The following SRPK2 variants were observed in gnomAD, a reference collection of about 807,000 sequenced individuals.
SRPK2 encodes the protein SFRS protein kinase 2.
A neutral mutation model predicts 90.8 loss-of-function variants in SRPK2; 21 were observed. That is an observed-to-expected ratio of 0.23 (90% CI 0.16 to 0.33). SRPK2 has a LOEUF of 0.33. Ranked by LOEUF, SRPK2 falls within the 10% of genes least tolerant of loss-of-function variation. The pLI is 1.00. For synonymous variants in SRPK2, 288 were observed against 311.1 expected (o/e 0.93, Z 0.78); for missense variants, 620 against 869.0 (o/e 0.71, Z 3.60).
intron 2 of SRPK2, among the ~76,000 whole-genome samples, chr7:105,330,042 T>C (rs1295990941): frequency 6.9e-6 from 1 of 145,300 alleles, no homozygotes; most frequent in Non-Finnish European, 1.5e-5. Flanking sequence ...CTCAAAAAAA[T>C]TAAAAATTAA....
At chr7:105,261,640 A>T (rs1804312239) in intron 2 of SRPK2, among the ~76,000 whole-genome samples, 2 of 152,174 alleles carry the variant, frequency 1.3e-5, no homozygotes, top group Admixed American at 1.3e-4. Flanking sequence ...GAAAGAGATA[A>T]CTCCCCATAC....
intron 7 of SRPK2, among the ~76,000 whole-genome samples, chr7:105,149,565 G>C (rs1192039630): frequency 1.3e-5 from 2 of 152,166 alleles, no homozygotes; most frequent in African/African-American, 4.8e-5. Flanking sequence ...GCCCACTGTT[G>C]TTTCTCTATA....
chr7:105,317,097 C>T (rs1345220223), intron 2 of SRPK2, among the ~76,000 whole-genome samples: 1 of 152,196 alleles, frequency 6.6e-6, no homozygotes, highest in Non-Finnish European at 1.5e-5. Flanking sequence ...AAGTGTGGTT[C>T]ACAAACCTTC....
intron 10 of SRPK2, 123 bp downstream of exon 10, chr7:105,142,961 T>C (rs1584934578): frequency 7.7e-7 from 1 of 1,295,876 alleles, no homozygotes; most frequent in East Asian, 2.3e-5. Context: ...CAATAGGGAG[T>C]TGGAGAGAAT....
chr7:105,332,548 G>C (rs1245737754), intron 2 of SRPK2, among the ~76,000 whole-genome samples: 2 of 152,110 alleles, frequency 1.3e-5, no homozygotes, highest in African/African-American at 4.8e-5. Context: ...TGGATCACCT[G>C]AGGTCAGGAG....
At chr7:105,377,256 T>C (rs771503461) in intron 2 of SRPK2, among the ~76,000 whole-genome samples, 15 of 152,158 alleles carry the variant, frequency 9.9e-5, no homozygotes, top group Non-Finnish European at 1.9e-4. Flanking sequence ...CACATGTTAA[T>C]GCACCTTCAT....
intron 3 of SRPK2, among the ~76,000 whole-genome samples, chr7:105,179,904 G>T (rs1416918794): frequency 1.4e-5 from 2 of 144,682 alleles, no homozygotes; most frequent in African/African-American, 5.1e-5. Context: ...TCTACAATAA[G>T]AATTACAAAA....
chr7:105,293,832 C>T (rs974695237), intron 2 of SRPK2, among the ~76,000 whole-genome samples: 6 of 152,200 alleles, frequency 3.9e-5, no homozygotes, highest in African/African-American at 1.4e-4. Context: ...AGATCTTTCA[C>T]TATAAGTCAA....
At chr7:105,169,110 T>C (rs747712966) in intron 4 of SRPK2, 47 bp downstream of exon 4, 12 of 1,525,654 alleles carry the variant, frequency 7.9e-6, no homozygotes, top group Middle Eastern at 2.3e-4. Context: ...AACACAGATG[T>C]TGAACTACTC....
intron 6 of SRPK2, among the ~76,000 whole-genome samples, chr7:105,163,166 C>T (rs997829925): frequency 6.6e-6 from 1 of 152,054 alleles, no homozygotes; most frequent in Non-Finnish European, 1.5e-5. Context: ...GCATAGATTT[C>T]AAAAATTTTT....
intron 2 of SRPK2, among the ~76,000 whole-genome samples, chr7:105,366,011 C>T (rs1295173101): frequency 3.3e-5 from 5 of 151,976 alleles, no homozygotes; most frequent in Admixed American, 1.3e-4. Context: ...CACGCTACCA[C>T]GCCCAGCTAA....
intron 2 of SRPK2, chr7:105,206,452 T>C (rs1244097896): frequency 6.2e-6 from 1 of 162,204 alleles, no homozygotes. Context: ...CCCTGCAGTC[T>C]AAGTGTGTAG....
intron 2 of SRPK2, among the ~76,000 whole-genome samples, chr7:105,241,535 T>C (rs1800815980): frequency 6.6e-6 from 1 of 152,180 alleles, no homozygotes; most frequent in Non-Finnish European, 1.5e-5. Context: ...GAGGTGAGCA[T>C]TATCATCTTT....
intron 2 of SRPK2, among the ~76,000 whole-genome samples, chr7:105,304,979 C>A (rs1810986728): frequency 6.6e-6 from 1 of 152,152 alleles, no homozygotes; most frequent in African/African-American, 2.4e-5. Flanking sequence ...ATATCCTGAC[C>A]TAACAAAGAT....
chr7:105,289,137 G>A (rs1808602833), intron 2 of SRPK2, among the ~76,000 whole-genome samples: 2 of 149,826 alleles, frequency 1.3e-5, no homozygotes, highest in South Asian at 4.2e-4. Context: ...AGCCGGGCAT[G>A]GTGGCAGGAG....
intron 7 of SRPK2, among the ~76,000 whole-genome samples, chr7:105,155,858 C>A (rs1406917002): frequency 6.6e-6 from 1 of 152,172 alleles, no homozygotes; most frequent in African/African-American, 2.4e-5. Context: ...AAGATGATTA[C>A]CAGTGAGTAC....
rs143896168 is a variant in SRPK2 at position 105,295,172 on chromosome 7, C to T, written c.72-91387G>A. Among the ~76,000 whole-genome samples the T allele has an allele frequency of 7.4e-4, 111 of 150,792 alleles. 1 individual carries two copies. The highest frequency in any genetic ancestry group is 2.6e-3 in the African/African-American group (105 of 41,022). On this transcript the variant is annotated intron_variant, in intron 2 of 15. Transcript: ENST00000393651. ...GGCTGCGGTGAGCCAAACTGCGCCA[C>T]TGTGCCCCAGCCTGGGTGACAGAGC...
intron 2 of SRPK2, chr7:105,332,930 T>A (rs1814608355): frequency 1.3e-5 from 2 of 152,122 alleles, no homozygotes; most frequent in African/African-American, 4.8e-5. Context: ...GCGTGTTGGC[T>A]CACACCTGTA....
intron 2 of SRPK2, among the ~76,000 whole-genome samples, chr7:105,228,796 G>A (rs1243167172): frequency 1.3e-5 from 2 of 152,200 alleles, no homozygotes; most frequent in East Asian, 1.9e-4. Flanking sequence ...TGGGCGCTGC[G>A]AGAGCTTGTT....
Sources: gnomAD v4.1 joint callset for allele counts (sites outside exome capture counted in the v4.1 genomes callset) on GRCh38, gnomAD v4.1.1 for gene constraint, MANE v1.5 for transcripts, NCBI Gene and HGNC (gene_info 2026-07-23, HGNC 2026-07-21) for gene names.